RYR2: variants seen among roughly 807,000 people sequenced by gnomAD.
The protein encoded by RYR2 is cardiac muscle ryanodine receptor-calcium release channel.
A neutral mutation model predicts 601.1 loss-of-function variants in RYR2; 227 were observed. The ratio of observed to expected loss-of-function variants is 0.38; its 90% CI spans 0.34 to 0.42. The LOEUF (loss-of-function observed/expected upper bound fraction) is 0.42. Ranked by LOEUF, RYR2 falls within the 10% of genes least tolerant of loss-of-function variation. RYR2 has a pLI of 1.00. For missense variants in RYR2, 4,646 were observed against 6,156.5 expected (o/e 0.75, Z 8.21); for synonymous variants, 2,223 against 2,175.1 (o/e 1.02, Z -0.61).
rs77056592 is a variant in RYR2 at position 237,149,924 on chromosome 1, C to G, written c.48+107355C>G. ...TACATATGCTGGCCCATTTTCCACC[C>G]GAGATAGCTCATTAGGGGGGTTTTG... On this transcript the variant is annotated intron_variant, in intron 1 of 104. Coordinates refer to ENST00000366574, the MANE Select transcript of RYR2 (RefSeq NM_001035.3). Among the ~76,000 whole-genome samples, 4 of 152,148 alleles carry G rather than the reference C, an allele frequency of 2.6e-5. No homozygotes were observed. The East Asian group carries it at 5.8e-4, about 22-fold the overall frequency.
chr1:237,732,748 A>C (rs1044350403), intron 78 of RYR2, among the ~76,000 whole-genome samples: 1 of 152,224 alleles, frequency 6.6e-6, no homozygotes, highest in Non-Finnish European at 1.5e-5. Context: ...TGTGCTCAGC[A>C]TCTGTCATTA....
At chr1:237,455,633 G>C (rs974881822) in intron 15 of RYR2, among the ~76,000 whole-genome samples, 18 of 152,116 alleles carry the variant, frequency 1.2e-4, no homozygotes, top group African/African-American at 4.3e-4. Context: ...TTATTACTAG[G>C]TTCTCATAAT....
chr1:237,728,889 A>C (rs1690436093), intron 76 of RYR2, among the ~76,000 whole-genome samples: 1 of 152,126 alleles, frequency 6.6e-6, no homozygotes, highest in Non-Finnish European at 1.5e-5. Context: ...ACCATGGCAC[A>C]TGTATACCTA....
Position 237,729,977 on chromosome 1 carries a change from G to A in RYR2, c.10839-283G>A, listed in dbSNP as rs192089975. ...CTTACAAAACTGAAATGTGGTTGGA[G>A]TTATCCTGGTTTTATAAAGGAATAA... On this transcript the variant is annotated intron_variant, in intron 76 of 104. Transcript: ENST00000366574. Among the ~76,000 whole-genome samples, 916 of 152,256 alleles carry A rather than the reference G, an allele frequency of 6.0e-3. 6 individuals carry two copies. The highest frequency in any genetic ancestry group is 9.3e-3 in the Non-Finnish European group (633 of 67,998).
rs571092 is a variant in RYR2, at chr1:237,625,544, T to C, written c.6023-117T>C. 787,180 of 972,408 alleles carry C rather than the reference T, an allele frequency of 0.81. 320,710 individuals carry two copies. The highest frequency in any genetic ancestry group is 0.83 in the Admixed American group (33,358 of 40,090). 60.2% of individuals were successfully genotyped at this position (972,408 alleles called of 1,614,324 possible). On this transcript the variant is annotated intron_variant, in intron 39 of 104. Coordinates refer to ENST00000366574, the MANE Select transcript of RYR2 (RefSeq NM_001035.3). ...TAAGCAACATTGCTTAACTTAATGTTAGATGTTTTTGACATTGTTCTAAGT... is the reference window on the plus strand; with the variant it reads ...TAAGCAACATTGCTTAACTTAATGTCAGATGTTTTTGACATTGTTCTAAGT...
intron 2 of RYR2, among the ~76,000 whole-genome samples, chr1:237,278,718 G>A (rs1050161074): frequency 3.0e-4 from 45 of 152,242 alleles, no homozygotes; most frequent in African/African-American, 9.1e-4. Flanking sequence ...GGATAGTATA[G>A]ACTTAAGCAC....
chr1:237,405,931 A>G (rs1324168122), intron 10 of RYR2, among the ~76,000 whole-genome samples: 2 of 109,160 alleles, frequency 1.8e-5, no homozygotes, highest in African/African-American at 5.8e-5. Context: ...TCATCCCACC[A>G]TCAACCACTG....
chr1:237,136,513 C>G (rs1053269860), intron 1 of RYR2, among the ~76,000 whole-genome samples: 2 of 152,158 alleles, frequency 1.3e-5, no homozygotes, highest in African/African-American at 4.8e-5. Context: ...CACACCCTGC[C>G]TCCTCCAGCA....
At chr1:237,697,432 A>G (rs1251837873) in intron 63 of RYR2, among the ~76,000 whole-genome samples, 1 of 142,976 alleles carries the variant, frequency 7.0e-6, no homozygotes, top group East Asian at 2.0e-4. Context: ...ATATAATTAT[A>G]TAATATATAT....
Position 237,608,391 on chromosome 1 carries a change from A to G in RYR2, c.4684-2371A>G, listed in dbSNP as rs1677390794. ...TGAGGAGGGCTTTGGTGGCCTTGCC[A>G]GAAGAATTTAAGCAAAACAATGGGA... On this transcript the variant is annotated intron_variant, in intron 35 of 104. Transcript: ENST00000366574. 2.6e-5 allele frequency among the ~76,000 whole-genome samples: 4 copies of G among 152,116 alleles called. No individual in the cohort carries two copies. In the South Asian group the frequency reaches 8.3e-4, roughly 32 times the overall value.
chr1:237,744,278 T>C (rs1377621930), intron 80 of RYR2, among the ~76,000 whole-genome samples: 1 of 150,946 alleles, frequency 6.6e-6, no homozygotes, highest in African/African-American at 2.4e-5. Flanking sequence ...TAAGGCTATA[T>C]GGTAGGAAAA....
chr1:237,652,709 A>T (rs1457843679), intron 51 of RYR2, among the ~76,000 whole-genome samples: 1 of 152,080 alleles, frequency 6.6e-6, no homozygotes, highest in Non-Finnish European at 1.5e-5. Flanking sequence ...GTCTTGCAAA[A>T]TTTTTTGATA....
At chr1:237,157,311 A>T (rs1675490084) in intron 1 of RYR2, among the ~76,000 whole-genome samples, 1 of 149,776 alleles carries the variant, frequency 6.7e-6, no homozygotes, top group South Asian at 2.1e-4. Context: ...AAAAAAAAAA[A>T]AAAAAAAAAA....
chr1:237,330,435 T>C (rs971464985), intron 2 of RYR2, among the ~76,000 whole-genome samples: 1 of 152,242 alleles, frequency 6.6e-6, no homozygotes, highest in African/African-American at 2.4e-5. Context: ...TCGCCAGGTC[T>C]GGAGGGCAGT....
chr1:237,187,575 C>T (rs2148982517), intron 1 of RYR2, among the ~76,000 whole-genome samples: 1 of 150,180 alleles, frequency 6.7e-6, no homozygotes, highest in Middle Eastern at 3.4e-3. Context: ...TCCTGAATAG[C>T]TGGGACTGCA....
At chr1:237,683,416 T>G (rs1686068327) in intron 62 of RYR2, among the ~76,000 whole-genome samples, 1 of 152,164 alleles carries the variant, frequency 6.6e-6, no homozygotes, top group African/African-American at 2.4e-5. Flanking sequence ...ATAGCCCTAG[T>G]GAAAGCCAGG....
chr1:237,082,477 C>G (rs1665820982), intron 1 of RYR2, among the ~76,000 whole-genome samples: 1 of 139,184 alleles, frequency 7.2e-6, no homozygotes. Context: ...TGCCTGTTAT[C>G]TTGATGGAAT....
Position 237,608,479 on chromosome 1 carries a change from C to T in RYR2, c.4684-2283C>T, listed in dbSNP as rs146885701. Among the ~76,000 whole-genome samples, 686 of 152,198 alleles carry T rather than the reference C, an allele frequency of 4.5e-3. 3 individuals are homozygous for T. The highest frequency in any genetic ancestry group is 0.016 in the African/African-American group (649 of 41,544). The stretch of plus-strand genomic sequence containing the variant: ...GCACTTTGGGAGGAAGGAGGAATCA[C>T]TTGAGCCCAGAAGTTTGAAACCAGC... On this transcript the variant is annotated intron_variant, in intron 35 of 104. Coordinates refer to ENST00000366574, the MANE Select transcript of RYR2 (RefSeq NM_001035.3).
At chr1:237,798,670 C>G (rs1629280) in intron 97 of RYR2, among the ~76,000 whole-genome samples, 102,731 of 151,590 alleles carry the variant, frequency 0.68, 35,217 homozygotes, top group East Asian at 0.95. Flanking sequence ...TACCATCATA[C>G]CATTACTTGT....
Sources: allele counts gnomAD v4.1 joint callset (sites outside exome capture counted in the v4.1 genomes callset), GRCh38; gene constraint gnomAD v4.1.1; transcripts MANE v1.5; gene names NCBI Gene and HGNC (gene_info 2026-07-23, HGNC 2026-07-21).